PDGFD: variants seen among roughly 807,000 people sequenced by gnomAD.
PDGFD encodes platelet derived growth factor D.
In PDGFD, 30 loss-of-function variants were observed where a neutral mutation model predicts 44.7. The ratio of observed to expected loss-of-function variants is 0.67; its 90% CI spans 0.50 to 0.91. PDGFD has a LOEUF of 0.91. Among genes scored for constraint, PDGFD ranks in the 40% least tolerant of loss-of-function variants. The pLI is 0.00. For synonymous variants in PDGFD, 173 were observed against 168.4 expected (o/e 1.03, Z -0.21); for missense variants, 445 against 457.8 (o/e 0.97, Z 0.25).
At chr11:103,931,967 T>C (rs1376003019) in intron 5 of PDGFD, among the ~76,000 whole-genome samples, 1 of 152,308 alleles carries the variant, frequency 6.6e-6, no homozygotes, top group Non-Finnish European at 1.5e-5. Flanking sequence ...TTGAAAACCA[T>C]GCTCTTGTTC....
intron 3 of PDGFD, among the ~76,000 whole-genome samples, chr11:103,991,753 C>T (rs954194545): frequency 1.3e-5 from 2 of 152,110 alleles, no homozygotes; most frequent in Non-Finnish European, 2.9e-5. Context: ...TAGCCTCAGA[C>T]AGTTGAGTAA....
intron 1 of PDGFD, among the ~76,000 whole-genome samples, chr11:104,017,123 A>T (rs968002597): frequency 6.6e-6 from 1 of 152,202 alleles, no homozygotes; most frequent in Non-Finnish European, 1.5e-5. Context: ...ACTGTCTACC[A>T]TGTGAGGACA....
chr11:104,113,589 GTT>G (rs34817646), intron 1 of PDGFD, among the ~76,000 whole-genome samples: 2 of 141,678 alleles, frequency 1.4e-5, no homozygotes, highest in African/African-American at 2.6e-5. Context: ...CAACTGCAGT[GTT>G]TTTTTTTTTT....
intron 5 of PDGFD, among the ~76,000 whole-genome samples, chr11:103,930,719 A>C (rs547023841): frequency 6.6e-6 from 1 of 152,262 alleles, no homozygotes; most frequent in African/African-American, 2.4e-5. Flanking sequence ...TTCCCACCAG[A>C]GGACCACTTG....
At chr11:103,966,697 G>A (rs1171043575) in intron 3 of PDGFD, among the ~76,000 whole-genome samples, 1 of 152,144 alleles carries the variant, frequency 6.6e-6, no homozygotes, top group Non-Finnish European at 1.5e-5. Flanking sequence ...TTGGATTTCT[G>A]ACATTGGTTG....
chr11:104,110,071 G>C (rs999029754), intron 1 of PDGFD, among the ~76,000 whole-genome samples: 1 of 152,042 alleles, frequency 6.6e-6, no homozygotes, highest in Non-Finnish European at 1.5e-5. Flanking sequence ...TAAAAATAAA[G>C]CATTATGAAC....
At chr11:104,103,468 A>T (rs570417368) in intron 1 of PDGFD, among the ~76,000 whole-genome samples, 2 of 57,880 alleles carry the variant, frequency 3.5e-5, no homozygotes, top group African/African-American at 9.0e-5. Context: ...GTGTGTATAT[A>T]TATATATATA....
intron 1 of PDGFD, among the ~76,000 whole-genome samples, chr11:104,045,413 T>C (rs998620730): frequency 2.6e-5 from 4 of 152,130 alleles, no homozygotes; most frequent in African/African-American, 4.8e-5. Flanking sequence ...AGATTCATAC[T>C]ACAGCTGAAA....
At chr11:104,028,920 G>A (rs1860086344) in intron 1 of PDGFD, among the ~76,000 whole-genome samples, 1 of 151,966 alleles carries the variant, frequency 6.6e-6, no homozygotes, top group South Asian at 2.1e-4. Context: ...ATCATAAATT[G>A]GTTCCCTGAT....
At chr11:104,150,378 T>C (rs766645627) in intron 1 of PDGFD, among the ~76,000 whole-genome samples, 1 of 152,174 alleles carries the variant, frequency 6.6e-6, no homozygotes, top group Admixed American at 6.5e-5. Flanking sequence ...ACCATTAAAC[T>C]GTCAATATAG....
At chr11:104,157,714 C>T (rs958696839) in intron 1 of PDGFD, among the ~76,000 whole-genome samples, 8 of 152,084 alleles carry the variant, frequency 5.3e-5, no homozygotes, top group African/African-American at 1.7e-4. Context: ...ATGAAGAATC[C>T]TAATATATAC....
chr11:104,101,243 C>T (rs912511727), intron 1 of PDGFD, among the ~76,000 whole-genome samples: 1 of 152,086 alleles, frequency 6.6e-6, no homozygotes. Flanking sequence ...TGATAGGCAA[C>T]CTCAGGAAAG....
At chr11:104,119,751 T>C (rs1440737728) in intron 1 of PDGFD, among the ~76,000 whole-genome samples, 2 of 108,870 alleles carry the variant, frequency 1.8e-5, no homozygotes, top group Non-Finnish European at 3.3e-5. Context: ...ATATATTATA[T>C]ATTTATATAT....
At chr11:104,075,419 A>C (rs186264859) in intron 1 of PDGFD, among the ~76,000 whole-genome samples, 3 of 151,196 alleles carry the variant, frequency 2.0e-5, no homozygotes, top group Non-Finnish European at 2.9e-5. Flanking sequence ...TGAGGTACAC[A>C]TTTTCTCTTT....
intron 3 of PDGFD, among the ~76,000 whole-genome samples, chr11:103,969,712 C>T (rs1050517915): frequency 6.6e-6 from 1 of 151,728 alleles, no homozygotes; most frequent in Non-Finnish European, 1.5e-5. Flanking sequence ...GAGTTCTTGT[C>T]TTTTAAAATT....
chr11:103,988,083 CTAAG>C (rs1419667018), intron 3 of PDGFD, among the ~76,000 whole-genome samples: 1 of 152,130 alleles, frequency 6.6e-6, no homozygotes, highest in Admixed American at 6.6e-5. Flanking sequence ...CACTTCATCA[CTAAG>C]TAACACTGCT....
At position 103,947,695 on chromosome 11, in the gene PDGFD, C is replaced by G. The variant is rs749089826; in HGVS notation, c.540G>C (p.Glu180Asp). The G allele has an allele frequency of 3.1e-6, 5 of 1,613,648 alleles. No homozygotes were observed. In the Admixed American group the frequency reaches 8.3e-5, roughly 27 times the overall value. Reference protein sequence around the residue: ...LEDFQPAAASETNWESVTSSI... With the variant: ...LEDFQPAAASDTNWESVTSSI... ...AGCTTGTGACAGATTCCCAGTTGGT[C>G]TCTGAAGCTGCTGCGGGTTGGAAAT... Residue 180 changes from glutamate (E) to aspartate (D), a missense_variant, in exon 4 of 7, where the codon GAG becomes GAC. By Grantham distance (45) the Glu-to-Asp change is conservative. Coordinates refer to ENST00000393158, the MANE Select transcript of PDGFD (RefSeq NM_025208.5).
chr11:103,983,850 T>G (rs996428592), intron 3 of PDGFD, among the ~76,000 whole-genome samples: 25 of 151,746 alleles, frequency 1.6e-4, no homozygotes, highest in African/African-American at 6.1e-4. Flanking sequence ...AAAGCCACAA[T>G]GAGATACCAT....
intron 5 of PDGFD, among the ~76,000 whole-genome samples, chr11:103,929,787 A>C (rs1468963606): frequency 6.6e-6 from 1 of 152,196 alleles, no homozygotes; most frequent in Non-Finnish European, 1.5e-5. Context: ...TTTCCAGTCA[A>C]AGAAGACTGA....
Sources: gnomAD v4.1 joint callset for allele counts (sites outside exome capture counted in the v4.1 genomes callset) on GRCh38, gnomAD v4.1.1 for gene constraint, MANE v1.5 for transcripts, NCBI Gene and HGNC (gene_info 2026-07-23, HGNC 2026-07-21) for gene names.